Variants in DGKH observed in about 807,000 individuals in gnomAD.
The protein encoded by DGKH is diacylglycerol kinase eta.
In DGKH, 90 loss-of-function variants were observed where a neutral mutation model predicts 159.3. The observed-to-expected ratio is 0.57, with a 90% CI of 0.48 to 0.67. The LOEUF is 0.67. Ranked by LOEUF, DGKH falls within the 30% of genes least tolerant of loss-of-function variation. DGKH has a pLI of 0.00. For missense variants in DGKH, 1,181 were observed against 1,506.1 expected (o/e 0.78, Z 3.57); for synonymous variants, 536 against 553.8 (o/e 0.97, Z 0.45).
intron 29 of DGKH, among the ~76,000 whole-genome samples, chr13:42,249,978 T>C (rs942895888): frequency 1.4e-5 from 2 of 142,288 alleles, no homozygotes; most frequent in African/African-American, 5.1e-5. Flanking sequence ...TGTTTTTTTG[T>C]TTTTTTTTTT....
intron 3 of DGKH, 129 bp from the exon 4 acceptor site, chr13:42,155,162 A>T: frequency 1.4e-6 from 1 of 732,988 alleles, no homozygotes; most frequent in Non-Finnish European, 2.2e-6. Context: ...TTATTTTATC[A>T]TACAGATTAC....
chr13:42,243,454 C>G (rs146925486), downstream of DGKH, among the ~76,000 whole-genome samples: 1 of 152,156 alleles, frequency 6.6e-6, no homozygotes, highest in Non-Finnish European at 1.5e-5. Flanking sequence ...AAAAACCACT[C>G]GTTAAAAGTC....
At chr13:42,107,063 A>T (rs116573287) in intron 1 of DGKH, among the ~76,000 whole-genome samples, 52 of 152,332 alleles carry the variant, frequency 3.4e-4, no homozygotes, top group African/African-American at 1.3e-3. Flanking sequence ...GAGAGAAAAG[A>T]TAATTTTGTG....
At position 42,129,620 on chromosome 13, in the gene DGKH, C is replaced by T; in HGVS notation, c.372C>T (p.Asn124=). 1 of 1,612,074 alleles carries T rather than the reference C, an allele frequency of 6.2e-7. No homozygotes were observed. The highest frequency in any genetic ancestry group is 8.5e-7 in the Non-Finnish European group (1 of 1,179,008). ...CTGAAGCAAGCACGAAAAATGCTAA[C>T]AACAGCTTCACGGTATGGTTATATT... The part of the protein sequence containing the change: ...SVAEASTKNA[N]NSFTIITPFR... Residue 124 remains asparagine, a synonymous_variant, in exon 3 of 30, where the codon AAC becomes AAT. Coordinates refer to ENST00000337343, the MANE Select transcript of DGKH (RefSeq NM_178009.5).
chr13:42,172,876 T>C (rs746459754), intron 11 of DGKH, among the ~76,000 whole-genome samples: 1 of 152,138 alleles, frequency 6.6e-6, no homozygotes, highest in Non-Finnish European at 1.5e-5. Flanking sequence ...GGTTTCACCA[T>C]GTTGGCCAGG....
In DGKH at chr13:42,168,424, TC is replaced by T; in HGVS notation, c.1119-14del. On this transcript the variant is annotated splice_polypyrimidine_tract_variant and intron_variant, in intron 9 of 29. Coordinates refer to ENST00000337343, the MANE Select transcript of DGKH (RefSeq NM_178009.5). ...TTTATTTCTTTATACTAAAATAAAA[TC>T]CTTTTTGCTTTCAGTTTAAGATTAT... 2 of 1,602,692 alleles carry T rather than the reference TC, an allele frequency of 1.2e-6. No homozygotes were observed. The highest frequency in any genetic ancestry group is 8.5e-7 in the Non-Finnish European group (1 of 1,171,632).
chr13:42,207,025 T>TTCTTTCTTTCTTTCTTTTTC (rs376338046), intron 21 of DGKH, among the ~76,000 whole-genome samples: 3 of 44,966 alleles, frequency 6.7e-5, no homozygotes, highest in Non-Finnish European at 1.4e-4. Context: ...CTTTCTTTCT[T>TTCTTTCTTTCTTTCTTTTTC]TTTCTTTCTT....
chr13:42,212,852 A>C (rs545228783), intron 24 of DGKH, among the ~76,000 whole-genome samples: 10 of 152,332 alleles, frequency 6.6e-5, no homozygotes, highest in African/African-American at 2.2e-4. Flanking sequence ...AGGAAGTCAG[A>C]GGCAGTGAAG....
At chr13:42,168,605 C>T in intron 10 of DGKH, 57 bp downstream of exon 10, 1 of 1,613,182 alleles carries the variant, frequency 6.2e-7, no homozygotes, top group Non-Finnish European at 8.5e-7. Flanking sequence ...ACATACTTAC[C>T]AGAGAGGTGC....
At chr13:42,154,680 A>C (rs2137951129) in intron 3 of DGKH, among the ~76,000 whole-genome samples, 1 of 152,312 alleles carries the variant, frequency 6.6e-6, no homozygotes, top group Middle Eastern at 3.4e-3. Context: ...ATTAAAATAG[A>C]CAGTGGAAGT....
chr13:42,195,263 A>G (rs238372), intron 17 of DGKH, among the ~76,000 whole-genome samples: 141,155 of 152,218 alleles, frequency 0.93, 65,722 homozygotes, highest in Non-Finnish European at 0.97. Flanking sequence ...CACTTTGGGA[A>G]GCCAAGATGG....
chr13:42,143,170 T>C (rs920169927), intron 3 of DGKH, among the ~76,000 whole-genome samples: 5 of 152,276 alleles, frequency 3.3e-5, no homozygotes, highest in African/African-American at 9.6e-5. Context: ...TGGTTTTTGT[T>C]GTCGGTTCTG....
At chr13:42,059,935 T>C (rs141794643) in intron 1 of DGKH, among the ~76,000 whole-genome samples, 34 of 149,502 alleles carry the variant, frequency 2.3e-4, no homozygotes, top group African/African-American at 6.9e-4. Flanking sequence ...ATATAGAGTC[T>C]CACTCTGTCA....
chr13:42,085,763 T>A (rs1954289539), intron 1 of DGKH, among the ~76,000 whole-genome samples: 1 of 152,188 alleles, frequency 6.6e-6, no homozygotes, highest in African/African-American at 2.4e-5. Context: ...TTAAAAAAAT[T>A]ATTCAACTCT....
chr13:42,069,941 C>T (rs1882845457), intron 1 of DGKH: 3 of 725,080 alleles, frequency 4.1e-6, no homozygotes, highest in Non-Finnish European at 2.4e-6. Flanking sequence ...TCAGACAGAG[C>T]TCTTGGATTA....
At chr13:42,096,105 A>T (rs1269639249) in intron 1 of DGKH, among the ~76,000 whole-genome samples, 1 of 151,960 alleles carries the variant, frequency 6.6e-6, no homozygotes, top group Non-Finnish European at 1.5e-5. Flanking sequence ...TTTTATTTTA[A>T]ACTTTTATGT....
At position 42,234,951 on chromosome 13, in the gene DGKH, T is replaced by G. The variant is rs1958385125; in HGVS notation, c.*5763T>G. 1 of 152,230 alleles carries G rather than the reference T, an allele frequency of 6.6e-6. No homozygotes were observed. The highest frequency in any genetic ancestry group is 2.1e-4 in the South Asian group (1 of 4,830). The allele number at this position is 152,230 out of a possible 1,614,324, so 9.4% of individuals were successfully genotyped here. ...TTGGTTTTTATAATACACAAAGCAT[T>G]AATTTTTTCTTATCTTATTTTCTCT... On this transcript the variant is annotated 3_prime_UTR_variant, in exon 30 of 30. Transcript: ENST00000337343.
rs755933472 is a variant in DGKH at position 42,048,830 on chromosome 13, C to T, written c.57C>T (p.Ala19=). 4.5e-6 allele frequency: 6 copies of T among 1,340,894 alleles called. No homozygotes were observed. In the South Asian group the frequency reaches 6.3e-5, roughly 14 times the overall value. 83.1% of individuals were successfully genotyped at this position (1,340,894 alleles called of 1,614,324 possible). A position where few individuals can be genotyped will look rare whatever the true frequency, so the allele number is the denominator to read the frequency against. ...CGGGCGCCGCTGGAGGAGCGGCCGC[C>T]GGAGCCGGCGCCGCGGTCACCTCCG... is the stretch of plus-strand genomic sequence containing the variant. ...HPPGAAGGAA[A]GAGAAVTSAA... Residue 19 remains alanine (A), a synonymous_variant, in exon 1 of 30, where the codon GCC becomes GCT. Transcript: ENST00000337343. This position sits in a 1 kb window ranked among gnomAD's most constrained non-coding sequence, Gnocchi z 6.7.
At chr13:42,070,224 T>C in intron 1 of DGKH, 1 of 1,079,400 alleles carries the variant, frequency 9.3e-7, no homozygotes, top group South Asian at 1.2e-5. Flanking sequence ...GGAAATTCAG[T>C]GCTTCGCGAC....
Sources: gnomAD v4.1 joint callset for allele counts (sites outside exome capture counted in the v4.1 genomes callset) on GRCh38, gnomAD v4.1.1 for gene constraint, Gnocchi (gnomAD v3.1) non-coding constraint, MANE v1.5 for transcripts, NCBI Gene and HGNC (gene_info 2026-07-23, HGNC 2026-07-21) for gene names.